Variants in ATG10 observed in about 807,000 individuals in gnomAD.
ATG10 encodes the protein ubiquitin-like-conjugating enzyme ATG10.
ATG10 carries 30 observed loss-of-function variants against 32.1 expected under a neutral mutation model. That is an observed-to-expected ratio of 0.94 (90% CI 0.70 to 1.27). The LOEUF is 1.27. Among genes scored for constraint, ATG10 ranks in the 50% most tolerant of loss-of-function variants. The probability of loss-of-function intolerance (pLI) is 0.00; values close to 1 mark genes in which losing one functional copy is unlikely to be tolerated. For missense variants in ATG10, 233 were observed against 262.3 expected (o/e 0.89, Z 0.77); for synonymous variants, 87 against 91.5 (o/e 0.95, Z 0.28).
intron 2 of ATG10, among the ~76,000 whole-genome samples, chr5:82,041,908 C>G (rs945319279): frequency 6.6e-6 from 1 of 151,728 alleles, no homozygotes; most frequent in East Asian, 1.9e-4. Context: ...GTATATTTTT[C>G]AGTTTAGATA....
chr5:82,212,170 G>C lies in ATG10; in HGVS notation c.453+33583G>C, dbSNP rs75554512. The stretch of plus-strand genomic sequence containing the variant: ...CTACTTATACCTCATAGTGAGAATA[G>C]ATATAATCAGAAGAGAGCCACCTTA... On this transcript the variant is annotated intron_variant, in intron 5 of 7. Coordinates refer to ENST00000282185, the MANE Select transcript of ATG10 (RefSeq NM_031482.5). 5.0e-3 allele frequency among the ~76,000 whole-genome samples: 757 copies of C among 152,280 alleles called. 39 individuals are homozygous for C. The East Asian group carries it at 0.12, about 25-fold the overall frequency.
intron 3 of ATG10, 35 bp from the exon 4 acceptor site, chr5:82,164,363 GA>G (rs778545065): frequency 3.0e-5 from 48 of 1,604,738 alleles, no homozygotes; most frequent in Non-Finnish European, 4.1e-5. Flanking sequence ...TTCTTATTAA[GA>G]AACCCGTTTT....
At chr5:82,022,319 T>A (rs1762464163) in intron 2 of ATG10, among the ~76,000 whole-genome samples, 1 of 151,886 alleles carries the variant, frequency 6.6e-6, no homozygotes, top group East Asian at 1.9e-4. Context: ...TTACTTTGAT[T>A]AAAATGAGTA....
chr5:82,035,354 C>T (rs1762885587), intron 2 of ATG10, among the ~76,000 whole-genome samples: 1 of 152,180 alleles, frequency 6.6e-6, no homozygotes, highest in South Asian at 2.1e-4. Flanking sequence ...TTGTTCACTG[C>T]TGTATTCTTA....
At chr5:82,042,424 A>G (rs922437810) in intron 2 of ATG10, among the ~76,000 whole-genome samples, 1 of 152,100 alleles carries the variant, frequency 6.6e-6, no homozygotes, top group African/African-American at 2.4e-5. Flanking sequence ...GGGGATACAA[A>G]TCTAAACCGT....
At chr5:82,118,892 G>A (rs1285711572) in intron 3 of ATG10, among the ~76,000 whole-genome samples, 1 of 152,088 alleles carries the variant, frequency 6.6e-6, no homozygotes, top group Non-Finnish European at 1.5e-5. Context: ...AAAATCTGGG[G>A]ATAATATTGT....
intron 5 of ATG10, among the ~76,000 whole-genome samples, chr5:82,194,290 T>G (rs533227382): frequency 9.2e-5 from 14 of 152,290 alleles, no homozygotes; most frequent in Middle Eastern, 3.4e-3. Context: ...TCTTCTGTTT[T>G]ATGGTATCTT....
chr5:82,010,028 A>G (rs1762086043), intron 2 of ATG10: 5 of 1,610,544 alleles, frequency 3.1e-6, no homozygotes, highest in Middle Eastern at 1.7e-4. Flanking sequence ...CTAACAGCTC[A>G]AAGGAGACGC....
chr5:82,168,211 G>A (rs1743658784), intron 4 of ATG10, among the ~76,000 whole-genome samples: 1 of 151,958 alleles, frequency 6.6e-6, no homozygotes, highest in Admixed American at 6.6e-5. Flanking sequence ...TGAGGGCTCA[G>A]CTTTGATCAA....
chr5:81,993,360 C>CTTCTTTCTTTCTTTCT (rs1389776064), intron 2 of ATG10, among the ~76,000 whole-genome samples: 1 of 46,772 alleles, frequency 2.1e-5, no homozygotes, highest in Non-Finnish European at 4.0e-5. Flanking sequence ...TCTTTCTTTC[C>CTTCTTTCTTTCTTTCT]TTCTTTTCTT....
intron 2 of ATG10, among the ~76,000 whole-genome samples, chr5:81,993,581 C>G (rs1434186917): frequency 2.6e-5 from 4 of 150,950 alleles, no homozygotes; most frequent in Non-Finnish European, 4.4e-5. Flanking sequence ...GTGCGCACCA[C>G]CAGTCCTGGC....
chr5:82,051,182 A>G (rs1763408228), intron 2 of ATG10, among the ~76,000 whole-genome samples: 1 of 152,136 alleles, frequency 6.6e-6, no homozygotes, highest in Non-Finnish European at 1.5e-5. Flanking sequence ...AGGGATTCAC[A>G]AATTAGGTCA....
At chr5:82,178,976 TCTA>T (rs1744135874) in intron 5 of ATG10, among the ~76,000 whole-genome samples, 1 of 152,138 alleles carries the variant, frequency 6.6e-6, no homozygotes, top group Admixed American at 6.6e-5. Context: ...ATACACCTAA[TCTA>T]CTAAACATGA....
chr5:82,164,322 A>ATCTCC, intron 3 of ATG10, 77 bp from the exon 4 acceptor site: 1 of 982,998 alleles, frequency 1.0e-6, no homozygotes, highest in Non-Finnish European at 1.6e-6. Context: ...TGAGAAGAAA[A>ATCTCC]TCTCCTCTTT....
Position 82,142,466 on chromosome 5 carries a change from T to C in ATG10, c.217-21933T>C, listed in dbSNP as rs1473851311. Among the ~76,000 whole-genome samples, 5 of 152,152 alleles carry C rather than the reference T, an allele frequency of 3.3e-5. No individual in the cohort carries two copies. In the East Asian group the frequency reaches 9.6e-4, roughly 29 times the overall value. On this transcript the variant is annotated intron_variant, in intron 3 of 7. Transcript: ENST00000282185. Reference sequence around the variant, plus strand: ...CACGTATGTAAAGGCACAACAGTCATGAGACAGCAGGAGAACTACAAGTAT... The same window carrying C: ...CACGTATGTAAAGGCACAACAGTCACGAGACAGCAGGAGAACTACAAGTAT...
At chr5:81,986,903 C>T (rs991970264) in intron 1 of ATG10, among the ~76,000 whole-genome samples, 1 of 151,902 alleles carries the variant, frequency 6.6e-6, no homozygotes, top group African/African-American at 2.4e-5. Flanking sequence ...AATTAGCCAG[C>T]GTGGTGGCTT....
intron 5 of ATG10, among the ~76,000 whole-genome samples, chr5:82,190,639 C>T (rs571109891): frequency 2.6e-5 from 4 of 151,518 alleles, no homozygotes; most frequent in Non-Finnish European, 4.4e-5. Flanking sequence ...GGTGTGGTGG[C>T]GGGCGCCTGT....
chr5:82,129,628 T>C (rs528032555), intron 3 of ATG10, among the ~76,000 whole-genome samples: 38 of 152,280 alleles, frequency 2.5e-4, no homozygotes, highest in African/African-American at 9.1e-4. Context: ...TGGAGTTTCC[T>C]GGAGGTCCAC....
At chr5:82,051,199 T>G (rs900067309) in intron 2 of ATG10, among the ~76,000 whole-genome samples, 3 of 152,054 alleles carry the variant, frequency 2.0e-5, no homozygotes, top group Non-Finnish European at 4.4e-5. Context: ...GTCACAGAAA[T>G]GAAAGCAATA....
Sources: allele counts gnomAD v4.1 joint callset (sites outside exome capture counted in the v4.1 genomes callset), GRCh38; gene constraint gnomAD v4.1.1; transcripts MANE v1.5; gene names NCBI Gene and HGNC (gene_info 2026-07-23, HGNC 2026-07-21).